Variants in CARMIL1 observed in about 807,000 individuals in gnomAD.
CARMIL1 encodes the protein F-actin-uncapping protein LRRC16A.
A neutral mutation model predicts 177.1 loss-of-function variants in CARMIL1; 90 were observed. That is an observed-to-expected ratio of 0.51 (90% CI 0.43 to 0.61). The LOEUF (loss-of-function observed/expected upper bound fraction) is 0.61, where lower values mean the gene tolerates loss of function less well. Ranked by LOEUF, CARMIL1 falls within the 20% of genes least tolerant of loss-of-function variation. CARMIL1 has a pLI of 0.00. For synonymous variants in CARMIL1, 577 were observed against 606.2 expected (o/e 0.95, Z 0.71); for missense variants, 1,380 against 1,667.0 (o/e 0.83, Z 3.00).
intron 2 of CARMIL1, among the ~76,000 whole-genome samples, chr6:25,324,316 T>A (rs188928271): frequency 6.6e-6 from 1 of 151,534 alleles, no homozygotes; most frequent in East Asian, 2.0e-4. Flanking sequence ...GCAGTAATTA[T>A]GTTGAAGAAT....
chr6:25,605,877 G>A (rs933958083), intron 34 of CARMIL1, among the ~76,000 whole-genome samples, 184 bp from the exon 35 acceptor site: 3 of 152,238 alleles, frequency 2.0e-5, no homozygotes, highest in Middle Eastern at 3.4e-3. Flanking sequence ...TACAAAGAAC[G>A]TCACTCTTCC....
At chr6:25,349,952 C>T (rs898226943) in intron 2 of CARMIL1, among the ~76,000 whole-genome samples, 1 of 152,096 alleles carries the variant, frequency 6.6e-6, no homozygotes. Flanking sequence ...TGGTCTCGAT[C>T]TCCTGACCTC....
chr6:25,322,656 A>G (rs115836081), intron 2 of CARMIL1, among the ~76,000 whole-genome samples: 169 of 152,336 alleles, frequency 1.1e-3, no homozygotes, highest in African/African-American at 4.0e-3. Context: ...GCAGTGGTAC[A>G]TTCTTCAGCC....
intron 2 of CARMIL1, among the ~76,000 whole-genome samples, chr6:25,306,249 G>A (rs75656896): frequency 0.028 from 4,262 of 152,228 alleles, 72 homozygotes; most frequent in Non-Finnish European, 0.039. Flanking sequence ...CCAGGGCTGC[G>A]GATAGGTACT....
intron 2 of CARMIL1, among the ~76,000 whole-genome samples, chr6:25,359,676 C>T (rs1788988369): frequency 6.6e-6 from 1 of 152,148 alleles, no homozygotes. Context: ...ACTATTGCAG[C>T]AGAGAAACTG....
At chr6:25,407,818 C>G (rs1242639706) in intron 2 of CARMIL1, among the ~76,000 whole-genome samples, 1 of 152,168 alleles carries the variant, frequency 6.6e-6, no homozygotes, top group Non-Finnish European at 1.5e-5. Context: ...GGGCAATAAA[C>G]AGGGTAGTGG....
At chr6:25,475,145 C>T (rs62392392) in intron 11 of CARMIL1, among the ~76,000 whole-genome samples, 2,106 of 152,310 alleles carry the variant, frequency 0.014, 35 homozygotes, top group East Asian at 0.046. Flanking sequence ...GTGGCTCACG[C>T]CTGTAATCCC....
chr6:25,460,425 C>T (rs1800022607), intron 8 of CARMIL1, among the ~76,000 whole-genome samples: 1 of 152,122 alleles, frequency 6.6e-6, no homozygotes, highest in Non-Finnish European at 1.5e-5. Context: ...CCCATGCAGG[C>T]CTGAGTCTCC....
chr6:25,490,750 TAAAA>T (rs377733924), intron 13 of CARMIL1, among the ~76,000 whole-genome samples: 14,721 of 50,742 alleles, frequency 0.29, 882 homozygotes, highest in East Asian at 0.45. Flanking sequence ...AATAAATAAA[TAAAA>T]AAAAATAAAT....
chr6:25,291,339 A>G (rs1168647052), intron 2 of CARMIL1, among the ~76,000 whole-genome samples: 1 of 152,200 alleles, frequency 6.6e-6, no homozygotes, highest in Admixed American at 6.5e-5. Flanking sequence ...AGAGGACATG[A>G]AAAAAGAAAT....
At chr6:25,459,235 T>C (rs1251191374) in intron 8 of CARMIL1, among the ~76,000 whole-genome samples, 1 of 94,844 alleles carries the variant, frequency 1.1e-5, no homozygotes, top group Non-Finnish European at 2.2e-5. Context: ...TCTTTCTTTC[T>C]TTCTTTCTTT....
Position 25,536,852 on chromosome 6 carries a change from G to A in CARMIL1, c.2068-1003G>A, listed in dbSNP as rs533686410. Among the ~76,000 whole-genome samples the A allele has an allele frequency of 7.2e-5, 11 of 152,200 alleles. No individual in the cohort carries two copies. The South Asian group carries it at 2.1e-3, about 29-fold the overall frequency. On this transcript the variant is annotated intron_variant, in intron 24 of 36. Transcript: ENST00000329474. The stretch of plus-strand genomic sequence containing the variant: ...ATTTAACTAAAAAAGAATATTGTTT[G>A]TCTCCTCTGCCAAATGAATTATCAG...
At chr6:25,587,927 C>T (rs1813910204) in intron 31 of CARMIL1, among the ~76,000 whole-genome samples, 1 of 152,008 alleles carries the variant, frequency 6.6e-6, no homozygotes, top group Admixed American at 6.6e-5. Flanking sequence ...GTGAGCCCTC[C>T]ATATCCACAC....
rs1030828176 is a variant in CARMIL1, at chr6:25,318,674, C to G, written c.138+33765C>G. ...TTTTTGGGAGTCCCATTTTCTAATA[C>G]AACTCCAGACCCATCAGCCACCCGG... On this transcript the variant is annotated intron_variant, in intron 2 of 36. Transcript: ENST00000329474. Among the ~76,000 whole-genome samples the G allele has an allele frequency of 2.0e-4, 30 of 152,254 alleles. 1 individual carries two copies. Among genetic ancestry groups the G allele is most frequent in the Admixed American group, 1.9e-3 (29 of 15,296 alleles).
At chr6:25,530,806 T>C (rs954198478) in intron 24 of CARMIL1, among the ~76,000 whole-genome samples, 2 of 152,164 alleles carry the variant, frequency 1.3e-5, no homozygotes, top group African/African-American at 4.8e-5. Flanking sequence ...AGAAAGTTTT[T>C]AAAAATCGCT....
Position 25,518,531 on chromosome 6 carries a change from C to T in CARMIL1, c.1874+1116C>T, listed in dbSNP as rs114845013. ...ATAGGGGTAAGGCAGCTTAGACTAT[C>T]AGTTTTGCATTGCCACTGCATGATT... On this transcript the variant is annotated intron_variant, in intron 22 of 36. Transcript: ENST00000329474. Among the ~76,000 whole-genome samples the T allele has an allele frequency of 5.1e-3, 782 of 152,284 alleles. 6 individuals carry two copies. The highest frequency in any genetic ancestry group is 0.017 in the African/African-American group (725 of 41,552).
intron 13 of CARMIL1, 114 bp downstream of exon 13, chr6:25,488,699 C>G (rs1433786261): frequency 2.4e-6 from 2 of 837,286 alleles, no homozygotes; most frequent in Non-Finnish European, 4.1e-6. Flanking sequence ...GTCATGACAC[C>G]TTTGAATCAT....
At chr6:25,501,492 T>A (rs1396217890) in intron 17 of CARMIL1, among the ~76,000 whole-genome samples, 2 of 152,236 alleles carry the variant, frequency 1.3e-5, no homozygotes, top group African/African-American at 4.8e-5. Context: ...AAAGGAGCTC[T>A]TTTTGAAAAG....
At chr6:25,363,831 G>A (rs1379003161) in intron 2 of CARMIL1, among the ~76,000 whole-genome samples, 3 of 152,156 alleles carry the variant, frequency 2.0e-5, no homozygotes, top group East Asian at 1.9e-4. Context: ...CAATGGTAAC[G>A]TGTTGCCTAA....
Sources: allele counts gnomAD v4.1 joint callset (sites outside exome capture counted in the v4.1 genomes callset), GRCh38; gene constraint gnomAD v4.1.1; transcripts MANE v1.5; gene names NCBI Gene and HGNC (gene_info 2026-07-23, HGNC 2026-07-21).